Variants in TRA2B observed in about 807,000 individuals in gnomAD.
The protein encoded by TRA2B is transformer 2 beta homolog.
A neutral mutation model predicts 41.7 loss-of-function variants in TRA2B; 14 were observed. That is an observed-to-expected ratio of 0.34 (90% CI 0.22 to 0.53). TRA2B has a LOEUF of 0.53. Ranked by LOEUF, TRA2B falls within the 20% of genes least tolerant of loss-of-function variation. The probability of loss-of-function intolerance (pLI) is 0.95; values close to 1 mark genes in which losing one functional copy is unlikely to be tolerated. For missense variants in TRA2B, 167 were observed against 396.8 expected (o/e 0.42, Z 4.92); for synonymous variants, 130 against 128.8 (o/e 1.01, Z -0.06).
chr3:185,920,561 ATTTATTTT>A (rs1161718871), intron 6 of TRA2B, among the ~76,000 whole-genome samples: 1 of 151,462 alleles, frequency 6.6e-6, no homozygotes, highest in African/African-American at 2.4e-5. Context: ...GTATTCATTT[ATTTATTTT>A]TTTTTTTGAG....
Position 185,917,437 on chromosome 3 carries a change from T to A in TRA2B, c.*278A>T. On this transcript the variant is annotated 3_prime_UTR_variant, in exon 9 of 9. Coordinates refer to ENST00000453386, the MANE Select transcript of TRA2B (RefSeq NM_004593.3). ...TAGAAAAACCTTTTAAATGAAGTTT[T>A]GTACAATAGAAACTTCTCAGCAGTC... 1 of 424,802 alleles carries A rather than the reference T, an allele frequency of 2.4e-6. No individual in the cohort carries two copies. The highest frequency in any genetic ancestry group is 4.2e-6 in the Non-Finnish European group (1 of 236,282). 26.3% of individuals were successfully genotyped at this position (424,802 alleles called of 1,614,324 possible). A position where few individuals can be genotyped will look rare whatever the true frequency, so the allele number is the denominator to read the frequency against.
chr3:185,926,011 C>T (rs1419753484), intron 2 of TRA2B, among the ~76,000 whole-genome samples: 1 of 152,036 alleles, frequency 6.6e-6, no homozygotes, highest in Non-Finnish European at 1.5e-5. Context: ...GGAGTATTCC[C>T]CAGCAGTTAA....
intron 7 of TRA2B, among the ~76,000 whole-genome samples, chr3:185,918,924 A>C (rs191426881): frequency 6.6e-5 from 10 of 152,294 alleles, no homozygotes; most frequent in African/African-American, 2.4e-4. Context: ...CAGTGAGCTC[A>C]AATTGCTCCA....
intron 1 of TRA2B, chr3:185,928,255 G>A (rs1280395548): frequency 1.3e-5 from 2 of 152,174 alleles, no homozygotes; most frequent in Non-Finnish European, 2.9e-5. Flanking sequence ...CAGAAGGAAA[G>A]GCTAACTCAT....
At chr3:185,937,138 C>T in intron 1 of TRA2B, 2 of 985,482 alleles carry the variant, frequency 2.0e-6, no homozygotes, top group Non-Finnish European at 2.4e-6. Flanking sequence ...GCCCTTTCGG[C>T]ATCAGAGAAA....
At chr3:185,921,828 A>G (rs1032776282) in intron 5 of TRA2B, among the ~76,000 whole-genome samples, 183 bp downstream of exon 5, 5 of 152,182 alleles carry the variant, frequency 3.3e-5, no homozygotes, top group African/African-American at 1.2e-4. Context: ...CTTGACTAAG[A>G]TTTAGTTTTA....
At position 185,937,340 on chromosome 3, in the gene TRA2B, GTC is replaced by G. The variant is rs1159639280; in HGVS notation, c.36+483_36+484del. 15 of 990,700 alleles carry G rather than the reference GTC, an allele frequency of 1.5e-5. 1 individual carries two copies. The African/African-American group carries it at 2.6e-4, about 17-fold the overall frequency. 61.4% of individuals were successfully genotyped at this position (990,700 alleles called of 1,614,324 possible). On this transcript the variant is annotated intron_variant, in intron 1 of 8. Coordinates refer to ENST00000453386, the MANE Select transcript of TRA2B (RefSeq NM_004593.3). ...CGGCCCAAAGACCCAAAAGAACGTCGTCTGTCCCCTTGCACCCCACCACGCGG... is the reference window on the plus strand; with the variant it reads ...CGGCCCAAAGACCCAAAAGAACGTCGTGTCCCCTTGCACCCCACCACGCGG...
At chr3:185,924,340 GA>G (rs1183295380) in intron 3 of TRA2B, 5 of 175,456 alleles carry the variant, frequency 2.8e-5, no homozygotes, top group Admixed American at 6.2e-5. Context: ...CTATCAGCTA[GA>G]AAAAATTGTA....
At chr3:185,925,393 A>T (rs1414450935) in intron 3 of TRA2B, 71 bp downstream of exon 3, 2 of 1,554,636 alleles carry the variant, frequency 1.3e-6, no homozygotes, top group Non-Finnish European at 1.7e-6. Flanking sequence ...TCTATTGTCA[A>T]AATCAGCTCT....
At chr3:185,917,749 C>CTTTAA in intron 8 of TRA2B, 24 bp from the exon 9 acceptor site, 1 of 1,609,974 alleles carries the variant, frequency 6.2e-7, no homozygotes, top group Non-Finnish European at 8.5e-7. Flanking sequence ...AATGAACATG[C>CTTTAA]TTTAATATTA....
Position 185,935,349 on chromosome 3 carries a change from GGA to G in TRA2B, c.36+2474_36+2475del, listed in dbSNP as rs550024388. On this transcript the variant is annotated intron_variant, in intron 1 of 8. Coordinates refer to ENST00000453386, the MANE Select transcript of TRA2B (RefSeq NM_004593.3). ...GTTAATCTATTACCTTTGAGAGGGG[GGA>G]AAAAATAAATCCCACAGACCAACGA... 2.2e-4 allele frequency: 214 copies of G among 985,102 alleles called. 2 individuals are homozygous for G. In the South Asian group the frequency reaches 8.8e-3, roughly 41 times the overall value. 61.0% of individuals were successfully genotyped at this position (985,102 alleles called of 1,614,324 possible).
Position 185,921,904 on chromosome 3 carries a change from G to T in TRA2B, c.638+107C>A, listed in dbSNP as rs552790556. Reference sequence around the variant, plus strand: ...ATGAGGAGCATTTAATCAATCAACAGTCAAGTTTATGGCACAAACCTAAGT... The same window carrying T: ...ATGAGGAGCATTTAATCAATCAACATTCAAGTTTATGGCACAAACCTAAGT... On this transcript the variant is annotated intron_variant, in intron 5 of 8. Transcript: ENST00000453386. The T allele has an allele frequency of 4.3e-6, 3 of 696,904 alleles. No individual in the cohort carries two copies. The South Asian group carries it at 6.9e-5, about 16-fold the overall frequency. 43.2% of individuals were successfully genotyped at this position (696,904 alleles called of 1,614,324 possible).
Position 185,923,955 on chromosome 3 carries a change from T to C in TRA2B, c.363A>G (p.Gly121=). 6.2e-7 allele frequency: 1 copy of C among 1,611,390 alleles called. No individual in the cohort carries two copies. The highest frequency in any genetic ancestry group is 8.5e-7 in the Non-Finnish European group (1 of 1,179,342). ...TGGTGTACAAGCTCAGCCCAAATACTCCAAGACAACAGTTAGGATCAGGAT... is the reference window on the plus strand; with the variant it reads ...TGGTGTACAAGCTCAGCCCAAATACCCCAAGACAACAGTTAGGATCAGGAT... ...RANPDPNCCL[G]VFGLSLYTTE... is the part of the protein sequence containing the mutation. The change falls in exon 4 of 9, where the codon GGA becomes GGG. Residue 121 remains glycine (G), a synonymous_variant. Transcript: ENST00000453386.
At chr3:185,926,956 AAG>A (rs1743975735) in intron 1 of TRA2B, 6 of 498,366 alleles carry the variant, frequency 1.2e-5, no homozygotes, top group South Asian at 2.3e-5. Context: ...GAGCAGGGAT[AAG>A]AGTTATTTGA....
chr3:185,926,841 T>A (rs891004282), intron 1 of TRA2B, 107 bp from the exon 2 acceptor site: 4 of 1,364,286 alleles, frequency 2.9e-6, no homozygotes, highest in South Asian at 1.3e-5. Flanking sequence ...CCTTCCAAGA[T>A]AAGAAAATAT....
intron 1 of TRA2B, chr3:185,935,788 A>G (rs1366861510): frequency 5.1e-6 from 5 of 985,280 alleles, no homozygotes; most frequent in Non-Finnish European, 3.6e-6. Flanking sequence ...CCAACCCTTA[A>G]AGGTTCCAAT....
rs1269865608 is a variant in TRA2B, at chr3:185,914,625, A to G, written c.*3090T>C. ...CACATAATAATCCTTTACACTATATACAATAATCCTTTACATTACTGTAGT... is the reference window on the plus strand; with the variant it reads ...CACATAATAATCCTTTACACTATATGCAATAATCCTTTACATTACTGTAGT... On this transcript the variant is annotated 3_prime_UTR_variant, in exon 9 of 9. Coordinates refer to ENST00000453386, the MANE Select transcript of TRA2B (RefSeq NM_004593.3). Among the ~76,000 whole-genome samples the G allele has an allele frequency of 6.6e-6, 1 of 152,150 alleles. No individual in the cohort carries two copies. Among genetic ancestry groups the G allele is most frequent in the Admixed American group, 6.5e-5 (1 of 15,272 alleles).
chr3:185,916,405 G>A lies in TRA2B; in HGVS notation c.*1310C>T, dbSNP rs1260861881. The A allele has an allele frequency of 6.6e-6, 1 of 152,164 alleles. No individual in the cohort carries two copies. The highest frequency in any genetic ancestry group is 2.4e-5 in the African/African-American group (1 of 41,428). 9.4% of individuals were successfully genotyped at this position (152,164 alleles called of 1,614,324 possible). A position where few individuals can be genotyped will look rare whatever the true frequency, so the allele number is the denominator to read the frequency against. ...ACCTGAAACATACTAATACCTAGAT[G>A]CGATAAAGGTTAGCAAGGCAACAAA... On this transcript the variant is annotated 3_prime_UTR_variant, in exon 9 of 9. Transcript: ENST00000453386.
chr3:185,922,189 A>G (rs1249323181), intron 4 of TRA2B, 63 bp from the exon 5 acceptor site: 1 of 1,198,580 alleles, frequency 8.3e-7, no homozygotes, highest in Non-Finnish European at 1.2e-6. Context: ...TCCTGTGGCT[A>G]TGAGTAAGAT....
Sources: allele counts gnomAD v4.1 joint callset (sites outside exome capture counted in the v4.1 genomes callset), GRCh38; gene constraint gnomAD v4.1.1; transcripts MANE v1.5; gene names NCBI Gene and HGNC (gene_info 2026-07-23, HGNC 2026-07-21).